Variants in HECW2 observed in about 807,000 individuals in gnomAD.
The protein encoded by HECW2 is E3 ubiquitin-protein ligase HECW2.
HECW2 carries 61 observed loss-of-function variants against 175.2 expected under a neutral mutation model. The observed-to-expected ratio is 0.35, with a 90% CI of 0.28 to 0.43. The LOEUF is 0.43. HECW2 is among the 20% of genes least tolerant of loss of function. The probability of loss-of-function intolerance (pLI) is 1.00; values close to 1 mark genes in which losing one functional copy is unlikely to be tolerated. For synonymous variants in HECW2, 671 were observed against 731.0 expected (o/e 0.92, Z 1.32); for missense variants, 1,524 against 2,000.5 (o/e 0.76, Z 4.54).
At chr2:196,267,270 A>G (rs989702092) in intron 17 of HECW2, among the ~76,000 whole-genome samples, 2 of 152,228 alleles carry the variant, frequency 1.3e-5, no homozygotes, top group Non-Finnish European at 2.9e-5. Context: ...TAAAAATTTT[A>G]TTGAATTTTT....
At chr2:196,484,853 G>C (rs1324975596) in intron 1 of HECW2, among the ~76,000 whole-genome samples, 1 of 152,200 alleles carries the variant, frequency 6.6e-6, no homozygotes, top group Non-Finnish European at 1.5e-5. Flanking sequence ...AACTATGAAA[G>C]TGATGGAGGG....
chr2:196,505,612 C>T (rs1390730046), intron 1 of HECW2, among the ~76,000 whole-genome samples: 1 of 151,870 alleles, frequency 6.6e-6, no homozygotes, highest in Non-Finnish European at 1.5e-5. Flanking sequence ...TTGGAAAAGA[C>T]CAATAAAGCA....
intron 1 of HECW2, among the ~76,000 whole-genome samples, chr2:196,477,449 C>G (rs1686682129): frequency 6.6e-6 from 1 of 152,176 alleles, no homozygotes; most frequent in Non-Finnish European, 1.5e-5. Context: ...CAGTTCTCAG[C>G]TTTCAAGTGT....
intron 7 of HECW2, among the ~76,000 whole-genome samples, chr2:196,321,441 G>T (rs1172003293): frequency 2.1e-5 from 3 of 142,236 alleles, no homozygotes; most frequent in Non-Finnish European, 4.5e-5. Flanking sequence ...GGGTTGCCTA[G>T]GTTGGAGTGT....
chr2:196,500,256 T>C (rs1687530312), intron 1 of HECW2, among the ~76,000 whole-genome samples: 1 of 152,170 alleles, frequency 6.6e-6, no homozygotes, highest in South Asian at 2.1e-4. Flanking sequence ...TGAATATCAA[T>C]GTTTTGCTTT....
At chr2:196,486,576 G>A (rs1326371560) in intron 1 of HECW2, among the ~76,000 whole-genome samples, 3 of 152,186 alleles carry the variant, frequency 2.0e-5, no homozygotes, top group Non-Finnish European at 2.9e-5. Flanking sequence ...CTATGGGCCC[G>A]GGGTGTGGGT....
At position 196,199,742 on chromosome 2, in the gene HECW2, T is replaced by C. The variant is rs1686796823; in HGVS notation, c.*1535A>G. 1 of 152,156 alleles carries C rather than the reference T, an allele frequency of 6.6e-6. No homozygotes were observed. Among genetic ancestry groups the C allele is most frequent in the Admixed American group, 6.5e-5 (1 of 15,272 alleles). 9.4% of individuals were successfully genotyped at this position (152,156 alleles called of 1,614,324 possible). A position where few individuals can be genotyped will look rare whatever the true frequency, so the allele number is the denominator to read the frequency against. On this transcript the variant is annotated 3_prime_UTR_variant, in exon 29 of 29. Coordinates refer to ENST00000644978, the MANE Select transcript of HECW2 (RefSeq NM_001348768.2). ...TGATTAGTCAAGAAATAAACAAAGATGTGGAGTAATCCCAAAAGCAATTAA... is the reference window on the plus strand; with the variant it reads ...TGATTAGTCAAGAAATAAACAAAGACGTGGAGTAATCCCAAAAGCAATTAA...
intron 2 of HECW2, among the ~76,000 whole-genome samples, chr2:196,381,251 G>A (rs1404242374): frequency 6.6e-6 from 1 of 152,116 alleles, no homozygotes; most frequent in Non-Finnish European, 1.5e-5. Flanking sequence ...CTGAGTCTAA[G>A]GATCAGTTCA....
chr2:196,418,710 T>C (rs903594171), intron 2 of HECW2, among the ~76,000 whole-genome samples: 12 of 152,070 alleles, frequency 7.9e-5, no homozygotes, highest in African/African-American at 2.7e-4. Context: ...TATTTAAACA[T>C]AAAATGCTTT....
At chr2:196,313,266 G>A (rs1691567558) in intron 10 of HECW2, among the ~76,000 whole-genome samples, 1 of 152,158 alleles carries the variant, frequency 6.6e-6, no homozygotes, top group African/African-American at 2.4e-5. Flanking sequence ...TCATCTTAAT[G>A]CTAAAAAGAC....
intron 28 of HECW2, among the ~76,000 whole-genome samples, chr2:196,213,565 T>G (rs1575230357): frequency 6.6e-6 from 1 of 152,166 alleles, no homozygotes; most frequent in African/African-American, 2.4e-5. Context: ...GGAGAGGGTA[T>G]GAAAAGAGGC....
At chr2:196,202,061 T>C (rs1436831290) in intron 28 of HECW2, among the ~76,000 whole-genome samples, 2 of 152,154 alleles carry the variant, frequency 1.3e-5, no homozygotes, top group African/African-American at 2.4e-5. Context: ...AGGAAAAAAA[T>C]ATGTTTTCCT....
chr2:196,220,243 T>C (rs1687617461), intron 25 of HECW2, 90 bp from the exon 26 acceptor site: 1 of 829,962 alleles, frequency 1.2e-6, no homozygotes, highest in Non-Finnish European at 2.0e-6. Context: ...CACATGGAGT[T>C]TCAGGAATAA....
rs892241129 is a variant in HECW2 at position 196,318,464 on chromosome 2, G to C, written c.2338+88C>G. The C allele has an allele frequency of 1.2e-5, 16 of 1,358,004 alleles. No homozygotes were observed. In the Admixed American group the frequency reaches 4.4e-4, roughly 37 times the overall value. The allele number at this position is 1,358,004 out of a possible 1,614,324, so 84.1% of individuals were successfully genotyped here. A position where few individuals can be genotyped will look rare whatever the true frequency, so the allele number is the denominator to read the frequency against. On this transcript the variant is annotated intron_variant, in intron 9 of 28. Transcript: ENST00000644978. Reference sequence around the variant, plus strand: ...GAATTCAGGTCATATGTAACCTGCAGCCTTATTTACATTGAGGGGAAAACT... The same window carrying C: ...GAATTCAGGTCATATGTAACCTGCACCCTTATTTACATTGAGGGGAAAACT...
rs895644860 is a variant in HECW2 at position 196,491,363 on chromosome 2, TATATATACAC to T, written c.-35-57915_-35-57906del. Reference sequence around the variant, plus strand: ...TGTCTAAAACAAATACAAAATCATATATATATACACACACACACACACACACACACACACA... The same window carrying T: ...TGTCTAAAACAAATACAAAATCATATACACACACACACACACACACACACA... On this transcript the variant is annotated intron_variant, in intron 1 of 28. Coordinates refer to ENST00000644978, the MANE Select transcript of HECW2 (RefSeq NM_001348768.2). 1.5e-4 allele frequency among the ~76,000 whole-genome samples: 10 copies of T among 68,572 alleles called. 1 individual carries two copies. Among genetic ancestry groups the T allele is most frequent in the African/African-American group, 4.8e-4 (9 of 18,944 alleles). 45.0% of individuals were successfully genotyped at this position (68,572 alleles called of 152,430 possible).
intron 2 of HECW2, among the ~76,000 whole-genome samples, chr2:196,394,360 G>C (rs190354853): frequency 6.6e-6 from 1 of 152,280 alleles, no homozygotes; most frequent in East Asian, 1.9e-4. Flanking sequence ...TAAATGTAAA[G>C]ATAGACCAGA....
At chr2:196,373,103 A>C (rs1693952623) in intron 2 of HECW2, among the ~76,000 whole-genome samples, 1 of 152,218 alleles carries the variant, frequency 6.6e-6, no homozygotes, top group Non-Finnish European at 1.5e-5. Flanking sequence ...ACTCTAAATC[A>C]CTGAAATAAA....
At chr2:196,316,943 A>T (rs891232100) in intron 10 of HECW2, 1 of 239,266 alleles carries the variant, frequency 4.2e-6, no homozygotes, top group Non-Finnish European at 8.3e-6. Flanking sequence ...TTTGTCTATT[A>T]GCTGAAAGAA....
intron 6 of HECW2, among the ~76,000 whole-genome samples, chr2:196,323,906 TTGTTTTTTGTTTG>T (rs1458526636): frequency 1.3e-4 from 14 of 104,164 alleles, no homozygotes; most frequent in African/African-American, 6.1e-4. Context: ...AGAGTTTTTT[TTGTTTTTTGTTTG>T]TTTTTTTTTT....
Sources: gnomAD v4.1 joint callset for allele counts (sites outside exome capture counted in the v4.1 genomes callset) on GRCh38, gnomAD v4.1.1 for gene constraint, MANE v1.5 for transcripts, NCBI Gene and HGNC (gene_info 2026-07-23, HGNC 2026-07-21) for gene names.